Variants in LPAR3 observed in about 807,000 individuals in gnomAD.
LPAR3 encodes LPA receptor 3.
Under a neutral mutation model 17.8 loss-of-function variants are expected in LPAR3, and 7 were observed. The ratio of observed to expected loss-of-function variants is 0.39; its 90% CI spans 0.22 to 0.74. The LOEUF is 0.74. LPAR3 is among the 30% of genes least tolerant of loss of function. The probability of loss-of-function intolerance (pLI) is 0.40; values close to 1 mark genes in which losing one functional copy is unlikely to be tolerated. For synonymous variants in LPAR3, 179 were observed against 179.9 expected (o/e 0.99, Z 0.04); for missense variants, 391 against 453.4 (o/e 0.86, Z 1.25).
intron 2 of LPAR3, among the ~76,000 whole-genome samples, chr1:84,830,464 T>C (rs1192271120): frequency 2.6e-5 from 4 of 152,162 alleles, no homozygotes; most frequent in South Asian, 2.1e-4. Flanking sequence ...ACTTGTCACC[T>C]GTGTGCGAAT....
At chr1:84,887,888 T>A (rs1432978289) in intron 1 of LPAR3, among the ~76,000 whole-genome samples, 1 of 152,088 alleles carries the variant, frequency 6.6e-6, no homozygotes, top group Non-Finnish European at 1.5e-5. Context: ...AAATGTAACA[T>A]GAATCCTAGA....
Position 84,820,772 on chromosome 1 carries a change from T to C in LPAR3, c.737-6601A>G, listed in dbSNP as rs79862259. On this transcript the variant is annotated intron_variant, in intron 2 of 2. Coordinates refer to ENST00000370611, the MANE Select transcript of LPAR3 (RefSeq NM_012152.3). Reference sequence around the variant, plus strand: ...CTTCTCTTCTAAGCATCTAGAATGGTGTGAGTTATGTACCACCCTTGAAAA... The same window carrying C: ...CTTCTCTTCTAAGCATCTAGAATGGCGTGAGTTATGTACCACCCTTGAAAA... Among the ~76,000 whole-genome samples the C allele has an allele frequency of 5.3e-3, 804 of 152,180 alleles. 12 individuals carry two copies. Among genetic ancestry groups the C allele is most frequent in the African/African-American group, 0.019 (770 of 41,496 alleles).
intron 1 of LPAR3, among the ~76,000 whole-genome samples, chr1:84,888,164 A>T (rs1180923731): frequency 1.1e-5 from 1 of 94,962 alleles, no homozygotes; most frequent in Non-Finnish European, 2.2e-5. Context: ...ACACACACAC[A>T]CACACACACA....
At chr1:84,839,089 T>A (rs748644771) in intron 2 of LPAR3, among the ~76,000 whole-genome samples, 2 of 152,182 alleles carry the variant, frequency 1.3e-5, no homozygotes, top group Non-Finnish European at 2.9e-5. Flanking sequence ...AACCCTCACA[T>A]CAACCCTCCG....
At chr1:84,842,299 G>T (rs1659518206) in intron 2 of LPAR3, among the ~76,000 whole-genome samples, 1 of 152,206 alleles carries the variant, frequency 6.6e-6, no homozygotes, top group Non-Finnish European at 1.5e-5. Flanking sequence ...GTTCCTTCCA[G>T]ATAAGTCATA....
At chr1:84,857,964 C>A (rs977192712) in intron 2 of LPAR3, among the ~76,000 whole-genome samples, 2 of 152,110 alleles carry the variant, frequency 1.3e-5, no homozygotes, top group African/African-American at 4.8e-5. Context: ...TTTATCAATA[C>A]GGGTGTGTGG....
chr1:84,892,218 TAA>T (rs371254844), intron 1 of LPAR3, among the ~76,000 whole-genome samples: 5 of 72,800 alleles, frequency 6.9e-5, no homozygotes, highest in Non-Finnish European at 1.6e-4. Context: ...GTCTCAAAAA[TAA>T]ATAAATAAAT....
chr1:84,847,235 T>C (rs1381452716), intron 2 of LPAR3, among the ~76,000 whole-genome samples: 2 of 152,232 alleles, frequency 1.3e-5, no homozygotes, highest in Non-Finnish European at 2.9e-5. Context: ...TTTTCACTGC[T>C]TTCATAGTAA....
intron 2 of LPAR3, among the ~76,000 whole-genome samples, chr1:84,825,785 A>G (rs1049560684): frequency 2.6e-5 from 4 of 152,232 alleles, no homozygotes; most frequent in African/African-American, 7.2e-5. Context: ...GGCCGGGCCT[A>G]CTATCCTGCC....
chr1:84,814,187 A>C lies in LPAR3; in HGVS notation c.737-16T>G, dbSNP rs1278959679. On this transcript the variant is annotated splice_polypyrimidine_tract_variant and intron_variant, in intron 2 of 2. Coordinates refer to ENST00000370611, the MANE Select transcript of LPAR3 (RefSeq NM_012152.3). ...ACAAACGCCCCTGCAAGGAGAGAAGAGGAGGCAACAGATGCTCAGACCTTA... is the reference window on the plus strand; with the variant it reads ...ACAAACGCCCCTGCAAGGAGAGAAGCGGAGGCAACAGATGCTCAGACCTTA... The C allele has an allele frequency of 6.2e-7, 1 of 1,605,918 alleles. No individual in the cohort carries two copies. Among genetic ancestry groups the C allele is most frequent in the Admixed American group, 1.7e-5 (1 of 59,972 alleles).
intron 1 of LPAR3, among the ~76,000 whole-genome samples, chr1:84,891,926 T>A (rs529721156): frequency 4.4e-4 from 67 of 152,180 alleles, no homozygotes; most frequent in African/African-American, 1.6e-3. Context: ...TTTAAAAAAC[T>A]GACCTAGCCG....
At chr1:84,834,072 G>A (rs1190035469) in intron 2 of LPAR3, among the ~76,000 whole-genome samples, 2 of 152,194 alleles carry the variant, frequency 1.3e-5, no homozygotes, top group Non-Finnish European at 2.9e-5. Context: ...CTGCGTGGTA[G>A]AAGTAGTGTG....
At chr1:84,846,290 T>C (rs1040235415) in intron 2 of LPAR3, among the ~76,000 whole-genome samples, 4 of 152,214 alleles carry the variant, frequency 2.6e-5, no homozygotes, top group Admixed American at 2.6e-4. Flanking sequence ...AATGCTCTAA[T>C]TTGTGTTTCC....
chr1:84,861,077 A>G (rs1360243343), intron 2 of LPAR3, among the ~76,000 whole-genome samples: 1 of 152,216 alleles, frequency 6.6e-6, no homozygotes. Flanking sequence ...CAAAATATGT[A>G]TCAAGGAGTA....
intron 1 of LPAR3, among the ~76,000 whole-genome samples, chr1:84,891,591 G>C (rs557086164): frequency 6.6e-6 from 1 of 152,342 alleles, no homozygotes; most frequent in East Asian, 1.9e-4. Context: ...CTAAATATCA[G>C]ATCCACTGCC....
intron 2 of LPAR3, among the ~76,000 whole-genome samples, chr1:84,845,112 G>C (rs913145904): frequency 6.6e-6 from 1 of 152,110 alleles, no homozygotes; most frequent in East Asian, 1.9e-4. Context: ...ACTCCTCCAG[G>C]CTTTATTTAT....
chr1:84,818,237 TTGAA>T (rs1171770338), intron 2 of LPAR3, among the ~76,000 whole-genome samples: 1 of 152,260 alleles, frequency 6.6e-6, no homozygotes, highest in African/African-American at 2.4e-5. Flanking sequence ...AAGGTTTTAA[TTGAA>T]TGAATTATTT....
intron 2 of LPAR3, among the ~76,000 whole-genome samples, chr1:84,849,602 G>A (rs1297872569): frequency 1.3e-5 from 2 of 152,116 alleles, no homozygotes; most frequent in East Asian, 3.9e-4. Context: ...GCCCAATAAT[G>A]TAGAAACTCT....
intron 1 of LPAR3, among the ~76,000 whole-genome samples, chr1:84,890,239 G>A (rs1394095895): frequency 1.1e-5 from 1 of 93,682 alleles, no homozygotes; most frequent in Non-Finnish European, 2.1e-5. Flanking sequence ...GGAACAAAAG[G>A]CCCATGGCCA....
Sources: gnomAD v4.1 joint callset for allele counts (sites outside exome capture counted in the v4.1 genomes callset) on GRCh38, gnomAD v4.1.1 for gene constraint, MANE v1.5 for transcripts, NCBI Gene and HGNC (gene_info 2026-07-23, HGNC 2026-07-21) for gene names.